Variants in ZSWIM6 observed in about 807,000 individuals in gnomAD.
ZSWIM6 encodes zinc finger SWIM domain-containing protein 6.
In ZSWIM6, 9 loss-of-function variants were observed where a neutral mutation model predicts 113.2. That is an observed-to-expected ratio of 0.08 (90% CI 0.05 to 0.14). ZSWIM6 has a LOEUF of 0.14. Ranked by LOEUF, ZSWIM6 falls within the 10% of genes least tolerant of loss-of-function variation. ZSWIM6 has a pLI of 1.00. For missense variants in ZSWIM6, 1,162 were observed against 1,552.2 expected, an observed-to-expected ratio of 0.75 and a Z score of 4.22; for synonymous variants, 611 against 606.5, an observed-to-expected ratio of 1.01 and a Z score of -0.11.
chr5:61,388,718 C>T (rs190209962), intron 1 of ZSWIM6, among the ~76,000 whole-genome samples: 30 of 152,318 alleles, frequency 2.0e-4, no homozygotes, highest in Non-Finnish European at 3.5e-4. Context: ...AATATCTATA[C>T]TCTTAACTGC....
At chr5:61,372,724 T>G (rs558848901) in intron 1 of ZSWIM6, among the ~76,000 whole-genome samples, 1 of 152,356 alleles carries the variant, frequency 6.6e-6, no homozygotes, top group East Asian at 1.9e-4. Flanking sequence ...TTTGTTACAC[T>G]TGTGCCTCAG....
At position 61,452,190 on chromosome 5, in the gene ZSWIM6, ACCT is replaced by A. The variant is rs1349192608; in HGVS notation, c.677-20487_677-20485del. ...GTGTCCTGTTCCTTTATATACTGTAACCTCCTACTTTTTTCTAGTTTTTCCCCT... is the reference window on the plus strand; with the variant it reads ...GTGTCCTGTTCCTTTATATACTGTAACCTACTTTTTTCTAGTTTTTCCCCT... On this transcript the variant is annotated intron_variant, in intron 1 of 13. Transcript: ENST00000252744. Among the ~76,000 whole-genome samples the A allele has an allele frequency of 2.0e-5, 3 of 151,844 alleles. No individual in the cohort carries two copies. In the East Asian group the frequency reaches 5.8e-4, roughly 29 times the overall value.
intron 4 of ZSWIM6, 30 bp downstream of exon 4, chr5:61,494,440 G>T: frequency 1.3e-6 from 2 of 1,549,792 alleles, no homozygotes; most frequent in South Asian, 2.4e-5. Context: ...AATTACCATT[G>T]ATTTGCATAT....
chr5:61,508,176 T>G (rs906102017), intron 4 of ZSWIM6, among the ~76,000 whole-genome samples: 5 of 152,174 alleles, frequency 3.3e-5, no homozygotes, highest in Middle Eastern at 3.2e-3. Context: ...ATTCAATAAA[T>G]GGCAGCAATT....
chr5:61,373,102 C>T (rs959507441), intron 1 of ZSWIM6, among the ~76,000 whole-genome samples: 4 of 152,032 alleles, frequency 2.6e-5, no homozygotes, highest in Admixed American at 6.5e-5. Flanking sequence ...TATTCATTTA[C>T]GTTTAAAAAA....
At chr5:61,492,237 A>G (rs1748201327) in intron 3 of ZSWIM6, among the ~76,000 whole-genome samples, 1 of 152,122 alleles carries the variant, frequency 6.6e-6, no homozygotes, top group Non-Finnish European at 1.5e-5. Flanking sequence ...TAATAATGTA[A>G]AAGGTTTAGT....
intron 1 of ZSWIM6, among the ~76,000 whole-genome samples, chr5:61,337,137 C>T (rs547486847): frequency 6.6e-6 from 1 of 152,074 alleles, no homozygotes; most frequent in Admixed American, 6.5e-5. Flanking sequence ...AAAAATTAGC[C>T]AGAGCGGTTG....
chr5:61,420,379 C>T (rs1746330857), intron 1 of ZSWIM6, among the ~76,000 whole-genome samples: 1 of 152,138 alleles, frequency 6.6e-6, no homozygotes, highest in African/African-American at 2.4e-5. Context: ...TCACTTGCTC[C>T]TAGACCAGTA....
chr5:61,415,757 C>T (rs984328152), intron 1 of ZSWIM6, among the ~76,000 whole-genome samples: 2 of 152,178 alleles, frequency 1.3e-5, no homozygotes, highest in African/African-American at 2.4e-5. Context: ...CTACAGGCCA[C>T]TTAGTATCTG....
intron 1 of ZSWIM6, among the ~76,000 whole-genome samples, chr5:61,469,112 TAAAG>T (rs1404924742): frequency 6.6e-6 from 1 of 152,114 alleles, no homozygotes; most frequent in African/African-American, 2.4e-5. Context: ...GAAGTTTCTA[TAAAG>T]AAAGTTAGCA....
At position 61,521,417 on chromosome 5, in the gene ZSWIM6, G is replaced by T. The variant is rs1749117958; in HGVS notation, c.1488G>T (p.Leu496=). The change falls in exon 5 of 14, where the codon CTG becomes CTT. Residue 496 remains leucine (L), a synonymous_variant. Transcript: ENST00000252744. ...AATTACCCAACTTAACCAATGCTCT[G>T]CCTCAGGGTGCAAATGCCAACCAAG... ...GSELPNLTNA[L]PQGANANQDS... The T allele has an allele frequency of 1.3e-6, 2 of 1,498,592 alleles. No individual in the cohort carries two copies. Among genetic ancestry groups the T allele is most frequent in the African/African-American group, 1.4e-5 (1 of 70,268 alleles). The allele number at this position is 1,498,592 out of a possible 1,614,324, so 92.8% of individuals were successfully genotyped here.
intron 1 of ZSWIM6, among the ~76,000 whole-genome samples, chr5:61,384,237 G>A (rs1232963328): frequency 7.9e-6 from 1 of 126,144 alleles, no homozygotes; most frequent in African/African-American, 3.1e-5. Context: ...GACAGAGCGA[G>A]ACTCCGTCTC....
chr5:61,480,307 G>A (rs1236320151), intron 2 of ZSWIM6, among the ~76,000 whole-genome samples: 2 of 152,172 alleles, frequency 1.3e-5, no homozygotes, highest in East Asian at 3.9e-4. Context: ...TAATAGAGGA[G>A]GGGCCATAAA....
At chr5:61,448,363 G>T (rs1232422008) in intron 1 of ZSWIM6, among the ~76,000 whole-genome samples, 1 of 152,156 alleles carries the variant, frequency 6.6e-6, no homozygotes, top group Non-Finnish European at 1.5e-5. Flanking sequence ...TGTGGGTCAA[G>T]TGAGATCATA....
intron 1 of ZSWIM6, among the ~76,000 whole-genome samples, chr5:61,358,053 T>C (rs1196104236): frequency 1.3e-5 from 2 of 152,190 alleles, no homozygotes; most frequent in Non-Finnish European, 2.9e-5. Context: ...TCCTCTCATT[T>C]ATTGCTTAAA....
At chr5:61,511,201 T>G (rs562686999) in intron 4 of ZSWIM6, among the ~76,000 whole-genome samples, 2 of 152,120 alleles carry the variant, frequency 1.3e-5, no homozygotes, top group Middle Eastern at 3.4e-3. Flanking sequence ...TTTAGGGAGG[T>G]GAGCAATAAA....
At chr5:61,336,679 C>T (rs981134782) in intron 1 of ZSWIM6, among the ~76,000 whole-genome samples, 5 of 152,088 alleles carry the variant, frequency 3.3e-5, no homozygotes, top group African/African-American at 9.7e-5. Flanking sequence ...GGCTTGAACC[C>T]GGGAAGCGGA....
chr5:61,400,941 G>C (rs999205753), intron 1 of ZSWIM6, among the ~76,000 whole-genome samples: 1 of 152,114 alleles, frequency 6.6e-6, no homozygotes, highest in Non-Finnish European at 1.5e-5. Context: ...TTTATTCTTG[G>C]TTAGATGTAA....
intron 6 of ZSWIM6, 116 bp from the exon 7 acceptor site, chr5:61,526,134 G>A: frequency 7.0e-7 from 1 of 1,430,674 alleles, no homozygotes; most frequent in South Asian, 1.5e-5. Context: ...CCAAGTTCAG[G>A]AATGGTTTCT....
Sources: gnomAD v4.1 joint callset for allele counts (sites outside exome capture counted in the v4.1 genomes callset) on GRCh38, gnomAD v4.1.1 for gene constraint, MANE v1.5 for transcripts, NCBI Gene and HGNC (gene_info 2026-07-23, HGNC 2026-07-21) for gene names.